The following CACNA2D3 variants were observed in gnomAD, a reference collection of about 807,000 sequenced individuals.
The protein encoded by CACNA2D3 is calcium voltage-gated channel auxiliary subunit alpha2delta 3.
Under a neutral mutation model 160.6 loss-of-function variants are expected in CACNA2D3, and 60 were observed. The ratio of observed to expected loss-of-function variants is 0.37; its 90% CI spans 0.30 to 0.46. CACNA2D3 has a LOEUF of 0.46. Ranked by LOEUF, CACNA2D3 falls within the 20% of genes least tolerant of loss-of-function variation. The probability of loss-of-function intolerance (pLI) is 1.00; values close to 1 mark genes in which losing one functional copy is unlikely to be tolerated. For synonymous variants in CACNA2D3, 558 were observed against 492.9 expected (o/e 1.13, Z -1.75); for missense variants, 1,205 against 1,365.0 (o/e 0.88, Z 1.85).
intron 23 of CACNA2D3, among the ~76,000 whole-genome samples, chr3:54,886,609 T>G (rs4263264): frequency 0.15 from 22,698 of 152,148 alleles, 1,821 homozygotes; most frequent in Middle Eastern, 0.2. Flanking sequence ...CCTTCTGTAT[T>G]TGTTCATTAT....
intron 13 of CACNA2D3, among the ~76,000 whole-genome samples, chr3:54,768,612 C>CT (rs1702263867): frequency 6.6e-6 from 1 of 152,160 alleles, no homozygotes; most frequent in African/African-American, 2.4e-5. Flanking sequence ...TCTCTGAAGT[C>CT]TTTTGCTTTA....
At chr3:54,201,831 C>G (rs935977575) in intron 2 of CACNA2D3, among the ~76,000 whole-genome samples, 4 of 152,106 alleles carry the variant, frequency 2.6e-5, no homozygotes, top group African/African-American at 9.7e-5. Flanking sequence ...GGTATAAAAA[C>G]AGGGAACTCA....
In CACNA2D3 at chr3:55,000,696, A is replaced by C. The variant is rs112572022; in HGVS notation, c.2691-4067A>C. ...CAAGGAGAATCCTGAGTTTCCTGCCATCTGTCAGAGTGGTTACCATGGTAA... is the reference window on the plus strand; with the variant it reads ...CAAGGAGAATCCTGAGTTTCCTGCCCTCTGTCAGAGTGGTTACCATGGTAA... On this transcript the variant is annotated intron_variant, in intron 31 of 37. Coordinates refer to ENST00000474759, the MANE Select transcript of CACNA2D3 (RefSeq NM_018398.3). Among the ~76,000 whole-genome samples, 74 of 152,336 alleles carry C rather than the reference A, an allele frequency of 4.9e-4. 2 individuals carry two copies. Among genetic ancestry groups the C allele is most frequent in the Middle Eastern group, 3.4e-3 (1 of 294 alleles).
At chr3:54,549,426 A>G (rs1011538607) in intron 5 of CACNA2D3, among the ~76,000 whole-genome samples, 1 of 152,220 alleles carries the variant, frequency 6.6e-6, no homozygotes, top group Non-Finnish European at 1.5e-5. Flanking sequence ...GGCCTGGGCG[A>G]AAGAGCGAGA....
At chr3:54,867,336 T>C (rs1209906518) in intron 17 of CACNA2D3, among the ~76,000 whole-genome samples, 1 of 152,176 alleles carries the variant, frequency 6.6e-6, no homozygotes, top group East Asian at 1.9e-4. Context: ...CGCAATCGTG[T>C]ATCTTGGAAA....
intron 27 of CACNA2D3, among the ~76,000 whole-genome samples, chr3:54,957,875 A>G (rs1042816713): frequency 3.3e-5 from 5 of 152,198 alleles, no homozygotes; most frequent in Admixed American, 1.3e-4. Flanking sequence ...GCACAAATCT[A>G]TTTGTGTCTC....
chr3:54,391,119 G>A (rs750393486), intron 4 of CACNA2D3, among the ~76,000 whole-genome samples: 4 of 152,032 alleles, frequency 2.6e-5, no homozygotes, highest in East Asian at 1.9e-4. Flanking sequence ...CCCTTCTCTC[G>A]CTTTAGACTG....
At chr3:54,530,944 G>C (rs377359661) in intron 5 of CACNA2D3, among the ~76,000 whole-genome samples, 12 of 152,228 alleles carry the variant, frequency 7.9e-5, no homozygotes, top group African/African-American at 2.9e-4. Context: ...GCTCAGGTGG[G>C]CTGAACAGGC....
intron 27 of CACNA2D3, among the ~76,000 whole-genome samples, chr3:54,913,445 T>C (rs1234396286): frequency 6.6e-6 from 1 of 152,322 alleles, no homozygotes; most frequent in Non-Finnish European, 1.5e-5. Flanking sequence ...AGCATCTTAA[T>C]CTAGACTCTA....
At chr3:54,494,027 C>G (rs1429872976) in intron 4 of CACNA2D3, among the ~76,000 whole-genome samples, 1 of 152,234 alleles carries the variant, frequency 6.6e-6, no homozygotes, top group East Asian at 1.9e-4. Flanking sequence ...ACAACACACC[C>G]AGTACTTTGT....
intron 35 of CACNA2D3, among the ~76,000 whole-genome samples, chr3:55,044,702 G>T (rs1379659782): frequency 6.6e-6 from 1 of 151,982 alleles, no homozygotes; most frequent in Non-Finnish European, 1.5e-5. Context: ...AGTTTTAGGG[G>T]GGAAAGCTGT....
intron 11 of CACNA2D3, among the ~76,000 whole-genome samples, chr3:54,654,921 A>G (rs1699848741): frequency 6.6e-6 from 1 of 152,192 alleles, no homozygotes; most frequent in Non-Finnish European, 1.5e-5. Context: ...TGGATGCAAC[A>G]TCCTCCTATT....
chr3:54,167,485 C>T (rs773062916), intron 2 of CACNA2D3, among the ~76,000 whole-genome samples: 6 of 152,144 alleles, frequency 3.9e-5, no homozygotes, highest in Non-Finnish European at 7.3e-5. Flanking sequence ...AATGACTAAG[C>T]TCAGGTTTGG....
intron 27 of CACNA2D3, among the ~76,000 whole-genome samples, chr3:54,937,974 G>A (rs914102670): frequency 6.6e-6 from 1 of 152,228 alleles, no homozygotes; most frequent in Non-Finnish European, 1.5e-5. Flanking sequence ...CATAACCAGA[G>A]AAAAGCCCCT....
chr3:54,730,938 A>G (rs1345998847), intron 11 of CACNA2D3, among the ~76,000 whole-genome samples: 2 of 152,212 alleles, frequency 1.3e-5, no homozygotes, highest in East Asian at 1.9e-4. Flanking sequence ...TTGATTTTCT[A>G]ATTTGAAACT....
intron 2 of CACNA2D3, among the ~76,000 whole-genome samples, chr3:54,273,683 C>T (rs1451772560): frequency 6.6e-6 from 1 of 152,174 alleles, no homozygotes; most frequent in East Asian, 1.9e-4. Flanking sequence ...CAGATGACCA[C>T]CCGACTGGGA....
At chr3:54,881,718 G>T (rs1305571746) in intron 21 of CACNA2D3, among the ~76,000 whole-genome samples, 1 of 152,186 alleles carries the variant, frequency 6.6e-6, no homozygotes. Context: ...AGTCTTTCTG[G>T]ATGTCTTTAG....
chr3:54,487,586 A>C (rs942585927), intron 4 of CACNA2D3, among the ~76,000 whole-genome samples: 1 of 152,196 alleles, frequency 6.6e-6, no homozygotes. Context: ...CAGGCCCTGG[A>C]GTTCCAACCA....
intron 2 of CACNA2D3, among the ~76,000 whole-genome samples, chr3:54,150,151 T>C (rs2107281437): frequency 6.6e-6 from 1 of 151,924 alleles, no homozygotes; most frequent in East Asian, 1.9e-4. Flanking sequence ...CCCCCAAAAC[T>C]TCTGGTGGTC....
Sources: allele counts gnomAD v4.1 joint callset (sites outside exome capture counted in the v4.1 genomes callset), GRCh38; gene constraint gnomAD v4.1.1; transcripts MANE v1.5; gene names NCBI Gene and HGNC (gene_info 2026-07-23, HGNC 2026-07-21).